Variants in PODXL observed in about 807,000 individuals in gnomAD.
PODXL encodes podocalyxin.
A neutral mutation model predicts 48.9 loss-of-function variants in PODXL; 20 were observed. That is an observed-to-expected ratio of 0.41 (90% confidence interval 0.29 to 0.59). The LOEUF is 0.59. PODXL is among the 20% of genes least tolerant of loss of function. PODXL has a pLI of 0.31. For missense variants in PODXL, 606 were observed against 675.1 expected (o/e 0.90, Z 1.13); for synonymous variants, 295 against 287.4 (o/e 1.03, Z -0.27).
chr7:131,531,565 A>ACAAG (rs992400904), intron 1 of PODXL, among the ~76,000 whole-genome samples: 3 of 152,178 alleles, frequency 2.0e-5, no homozygotes, highest in African/African-American at 7.2e-5. Context: ...AAGGCTTAAA[A>ACAAG]CAACAGAAAT....
chr7:131,551,798 G>A (rs553827839), intron 1 of PODXL, among the ~76,000 whole-genome samples: 158 of 152,242 alleles, frequency 1.0e-3, no homozygotes, highest in African/African-American at 3.4e-3. Context: ...TTAGCCGGGC[G>A]TGGAGGTGGG....
chr7:131,537,696 G>A (rs904791937), intron 1 of PODXL, among the ~76,000 whole-genome samples: 2 of 150,162 alleles, frequency 1.3e-5, no homozygotes, highest in Non-Finnish European at 2.9e-5. Context: ...TGGTGAAACT[G>A]GACAGCTCGT....
At chr7:131,548,995 C>G (rs1798627150) in intron 1 of PODXL, among the ~76,000 whole-genome samples, 2 of 152,238 alleles carry the variant, frequency 1.3e-5, no homozygotes, top group South Asian at 2.1e-4. Flanking sequence ...GAGCTAAGTG[C>G]TATTCTAGGT....
chr7:131,523,393 A>G (rs1460794820), intron 1 of PODXL, among the ~76,000 whole-genome samples: 1 of 152,066 alleles, frequency 6.6e-6, no homozygotes, highest in Non-Finnish European at 1.5e-5. Flanking sequence ...AATAAGAAAA[A>G]CCATATGAGC....
chr7:131,511,487 C>T (rs560950198), intron 1 of PODXL, 54 bp from the exon 2 acceptor site: 141 of 1,572,866 alleles, frequency 9.0e-5, no homozygotes, highest in African/African-American at 3.6e-4. Context: ...TTCCTCACCA[C>T]GCTTCTCCAG....
intron 1 of PODXL, among the ~76,000 whole-genome samples, chr7:131,539,619 C>T (rs1335427671): frequency 6.6e-6 from 1 of 152,276 alleles, no homozygotes; most frequent in Admixed American, 6.5e-5. Flanking sequence ...ACGCCCAGTC[C>T]CCGAAATGTA....
At chr7:131,509,283 G>A (rs778477160) in intron 4 of PODXL, 82 bp downstream of exon 4, 1 of 1,148,152 alleles carries the variant, frequency 8.7e-7, no homozygotes, top group Non-Finnish European at 1.3e-6. Flanking sequence ...CTGCGTTGGA[G>A]GAAAGAACAG....
chr7:131,554,526 C>G (rs1436071191), intron 1 of PODXL, among the ~76,000 whole-genome samples: 1 of 152,232 alleles, frequency 6.6e-6, no homozygotes, highest in Non-Finnish European at 1.5e-5. Context: ...AGTGGTGCTT[C>G]ATGGAAGAGA....
intron 1 of PODXL, among the ~76,000 whole-genome samples, chr7:131,532,519 GA>G (rs1267228154): frequency 6.7e-5 from 3 of 44,830 alleles, no homozygotes; most frequent in South Asian, 4.6e-4. Context: ...CTTTTTTTTG[GA>G]GGGGGGGTAC....
chr7:131,513,639 G>A (rs958410388), intron 1 of PODXL, among the ~76,000 whole-genome samples: 19 of 152,160 alleles, frequency 1.2e-4, no homozygotes, highest in Non-Finnish European at 1.8e-4. Context: ...CAGCCGTGAC[G>A]GGCTCTGCAG....
intron 2 of PODXL, among the ~76,000 whole-genome samples, chr7:131,510,552 C>T (rs1797894380): frequency 6.6e-6 from 1 of 151,500 alleles, no homozygotes; most frequent in African/African-American, 2.4e-5. Flanking sequence ...GAAATAGAAA[C>T]TATTCCCCTC....
intron 1 of PODXL, among the ~76,000 whole-genome samples, chr7:131,530,948 C>T (rs1427267861): frequency 2.0e-5 from 3 of 152,106 alleles, no homozygotes; most frequent in Non-Finnish European, 2.9e-5. Flanking sequence ...ATCCCAGCTA[C>T]TCGGGAGGCT....
intron 1 of PODXL, among the ~76,000 whole-genome samples, chr7:131,530,640 A>G (rs911679828): frequency 2.0e-5 from 3 of 151,904 alleles, no homozygotes; most frequent in African/African-American, 7.3e-5. Context: ...CCAGCTACTC[A>G]CGATGAGGTA....
intron 1 of PODXL, among the ~76,000 whole-genome samples, chr7:131,546,665 G>A (rs983033675): frequency 7.0e-5 from 10 of 143,744 alleles, no homozygotes; most frequent in African/African-American, 2.3e-4. Flanking sequence ...GGCGGAGGTT[G>A]CAGTGAGTCG....
chr7:131,524,379 C>CAGAGAGAG lies in PODXL; in HGVS notation c.101-12954_101-12947dup, dbSNP rs58163575. On this transcript the variant is annotated intron_variant, in intron 1 of 8. Transcript: ENST00000378555. ...ACACACACGCACACACACACACACA[C>CAGAGAGAG]AGAGAGAGAGAGAGAGAGAGAGAGA... Among the ~76,000 whole-genome samples, 1,029 of 104,088 alleles carry CAGAGAGAG rather than the reference C, an allele frequency of 9.9e-3. 21 individuals are homozygous for CAGAGAGAG. The highest frequency in any genetic ancestry group is 0.025 in the African/African-American group (899 of 35,880). The allele number at this position is 104,088 out of a possible 152,430, so 68.3% of individuals were successfully genotyped here.
At chr7:131,550,553 G>A (rs1456508476) in intron 1 of PODXL, among the ~76,000 whole-genome samples, 4 of 152,122 alleles carry the variant, frequency 2.6e-5, no homozygotes, top group Non-Finnish European at 4.4e-5. Flanking sequence ...GGCTGAGGCA[G>A]GAGGATGTCT....
At position 131,509,466 on chromosome 7, in the gene PODXL, G is replaced by A; in HGVS notation, c.922C>T (p.Pro308Ser). The A allele has an allele frequency of 1.2e-6, 2 of 1,614,084 alleles. No individual in the cohort carries two copies. Among genetic ancestry groups the A allele is most frequent in the South Asian group, 1.1e-5 (1 of 91,074 alleles). ...PTSPATALRT[P>S]TLPETMSSSP... ...GAGCTCATGGTCTCTGGCAGGGTAG[G>A]TGTTCTCAATGCCGTTGCCGGGCTC... The change falls in exon 4 of 9, where the codon CCT (proline) becomes TCT (serine). Residue 308 changes from proline (P) to serine (S), a missense_variant. By Grantham distance (74) the Pro-to-Ser change is moderately conservative. Coordinates refer to ENST00000378555, the MANE Select transcript of PODXL (RefSeq NM_001018111.3).
chr7:131,547,298 G>A (rs940570324), intron 1 of PODXL, among the ~76,000 whole-genome samples: 12 of 150,678 alleles, frequency 8.0e-5, no homozygotes, highest in African/African-American at 2.2e-4. Flanking sequence ...ACTTGAACCC[G>A]GGAGGCGGAG....
intron 1 of PODXL, among the ~76,000 whole-genome samples, chr7:131,526,305 C>A (rs1028294103): frequency 1.3e-5 from 2 of 152,034 alleles, no homozygotes; most frequent in East Asian, 3.9e-4. Context: ...AAACCTGGAA[C>A]AATTTGAGCA....
Sources: gnomAD v4.1 joint callset for allele counts (sites outside exome capture counted in the v4.1 genomes callset) on GRCh38, gnomAD v4.1.1 for gene constraint, MANE v1.5 for transcripts, NCBI Gene and HGNC (gene_info 2026-07-23, HGNC 2026-07-21) for gene names.